The following ANGEL2 variants were observed in gnomAD, a reference collection of about 807,000 sequenced individuals.
ANGEL2 encodes the protein RNA 2',3'-cyclic phosphatase ANGEL2.
A neutral mutation model predicts 66.0 loss-of-function variants in ANGEL2; 41 were observed. The ratio of observed to expected loss-of-function variants is 0.62; its 90% CI spans 0.48 to 0.81. ANGEL2 has a LOEUF of 0.81. Among genes scored for constraint, ANGEL2 ranks in the 30% least tolerant of loss-of-function variants. ANGEL2 has a pLI of 0.00. For synonymous variants in ANGEL2, 208 were observed against 226.5 expected (o/e 0.92, Z 0.73); for missense variants, 561 against 641.6 (o/e 0.87, Z 1.36).
chr1:213,008,145 T>C (rs1366623943), intron 3 of ANGEL2, 65 bp downstream of exon 3: 3 of 1,536,472 alleles, frequency 2.0e-6, no homozygotes, highest in Admixed American at 3.7e-5. Flanking sequence ...ATTACAAGCA[T>C]GAGCCAGTGT....
chr1:212,997,360 A>G, intron 7 of ANGEL2, 42 bp from the exon 8 acceptor site: 1 of 1,538,018 alleles, frequency 6.5e-7, no homozygotes, highest in Non-Finnish European at 8.9e-7. Context: ...GAGTTTTTGT[A>G]ACTTCAAGAA....
chr1:213,011,139 A>AT, intron 2 of ANGEL2: 1 of 1,249,898 alleles, frequency 8.0e-7, no homozygotes. Flanking sequence ...AAAACCACTG[A>AT]TAAGAGTGGA....
At chr1:213,007,229 C>A in intron 3 of ANGEL2, 31 bp from the exon 4 acceptor site, 1 of 1,454,688 alleles carries the variant, frequency 6.9e-7, no homozygotes, top group South Asian at 1.4e-5. Flanking sequence ...TGAATTAGAA[C>A]ACAGAGATGC....
intron 4 of ANGEL2, among the ~76,000 whole-genome samples, chr1:213,006,247 G>A (rs540953127): frequency 1.6e-4 from 24 of 152,126 alleles, no homozygotes; most frequent in African/African-American, 5.5e-4. Context: ...GGATCACGAG[G>A]TCAGGAGATC....
intron 5 of ANGEL2, among the ~76,000 whole-genome samples, chr1:213,004,542 A>G (rs779932462): frequency 3.3e-5 from 5 of 151,944 alleles, no homozygotes; most frequent in Admixed American, 6.6e-5. Context: ...CAGATAGATG[A>G]AAAAGATATA....
intron 7 of ANGEL2, among the ~76,000 whole-genome samples, chr1:212,999,979 G>A (rs1392260346): frequency 1.3e-5 from 2 of 152,188 alleles, no homozygotes; most frequent in Non-Finnish European, 2.9e-5. Flanking sequence ...TATTTGAGCT[G>A]GTCCAGGTCC....
Position 212,996,676 on chromosome 1 carries a change from T to A in ANGEL2, c.1483+479A>T, listed in dbSNP as rs968725997. On this transcript the variant is annotated intron_variant, in intron 8 of 8. Transcript: ENST00000366962. Reference sequence around the variant, plus strand: ...ATATATATATATATATATATACTTTTCCTCCTCAGAAAAATCCAATATTCC... The same window carrying A: ...ATATATATATATATATATATACTTTACCTCCTCAGAAAAATCCAATATTCC... Among the ~76,000 whole-genome samples the A allele has an allele frequency of 1.0e-4, 14 of 134,076 alleles. 1 individual carries two copies. Among genetic ancestry groups the A allele is most frequent in the African/African-American group, 3.5e-4 (13 of 37,220 alleles). The allele number at this position is 134,076 out of a possible 152,430, so 88.0% of individuals were successfully genotyped here.
chr1:212,997,128 G>A, intron 8 of ANGEL2, 27 bp downstream of exon 8: 1 of 1,600,998 alleles, frequency 6.2e-7, no homozygotes, highest in Non-Finnish European at 8.5e-7. Context: ...CTCTCTAGGA[G>A]AATTTAAGAT....
chr1:213,006,827 T>C (rs940461878), intron 4 of ANGEL2: 3 of 318,100 alleles, frequency 9.4e-6, no homozygotes, highest in Non-Finnish European at 1.7e-5. Context: ...TTAAGATTTT[T>C]AGCCAAAATA....
Position 213,013,425 on chromosome 1 carries a change from G to C in ANGEL2, c.60-7C>G, listed in dbSNP as rs748761102. On this transcript the variant is annotated splice_polypyrimidine_tract_variant and splice_region_variant and intron_variant, in intron 1 of 8. Transcript: ENST00000366962. The stretch of plus-strand genomic sequence containing the variant: ...ATGGGGAAACATGGGGTATCTAAAA[G>C]AAATAAATACACTCCTTGAGGCACC... 1 of 1,606,974 alleles carries C rather than the reference G, an allele frequency of 6.2e-7. No homozygotes were observed. The highest frequency in any genetic ancestry group is 8.5e-7 in the Non-Finnish European group (1 of 1,176,306).
intron 2 of ANGEL2, among the ~76,000 whole-genome samples, chr1:213,012,345 C>A (rs751783087): frequency 4.6e-5 from 7 of 152,148 alleles, no homozygotes; most frequent in Non-Finnish European, 8.8e-5. Context: ...ATAAGAAAGA[C>A]AATTCCAAAT....
chr1:212,997,540 A>G (rs1432699805), intron 7 of ANGEL2, among the ~76,000 whole-genome samples: 2 of 152,238 alleles, frequency 1.3e-5, no homozygotes, highest in African/African-American at 4.8e-5. Flanking sequence ...AAAAAGCTCA[A>G]TAATTAACAT....
In ANGEL2 at chr1:213,013,490, T is replaced by C. The variant is rs1558194072; in HGVS notation, c.60-72A>G. 2.2e-6 allele frequency: 3 copies of C among 1,351,886 alleles called. No homozygotes were observed. The East Asian group carries it at 6.9e-5, about 31-fold the overall frequency. The allele number at this position is 1,351,886 out of a possible 1,614,324, so 83.7% of individuals were successfully genotyped here. ...TATAGTTTACAAAATCTAAGCCTGT[T>C]TCCTCAAGGGAAGGTAATGTCTAAT... is the stretch of plus-strand genomic sequence containing the variant. On this transcript the variant is annotated intron_variant, in intron 1 of 8. Coordinates refer to ENST00000366962, the MANE Select transcript of ANGEL2 (RefSeq NM_144567.5).
chr1:212,997,863 T>A (rs1245260348), intron 7 of ANGEL2, among the ~76,000 whole-genome samples: 1 of 152,142 alleles, frequency 6.6e-6, no homozygotes, highest in Non-Finnish European at 1.5e-5. Flanking sequence ...ACTTTATGAA[T>A]CTTAAGGATC....
At chr1:213,004,586 G>T (rs2076266799) in intron 5 of ANGEL2, among the ~76,000 whole-genome samples, 1 of 150,942 alleles carries the variant, frequency 6.6e-6, no homozygotes, top group South Asian at 2.1e-4. Flanking sequence ...CTTACTAGAA[G>T]AAGCTGGGCA....
rs187578910 is a variant in ANGEL2 at position 212,999,255 on chromosome 1, C to T, written c.1319+1071G>A. ...TTTCAAACTCCTGGGCTCAAGCAAT[C>T]CTCCCGCCCTGGCCTCCCAAAGTGC... On this transcript the variant is annotated intron_variant, in intron 7 of 8. Coordinates refer to ENST00000366962, the MANE Select transcript of ANGEL2 (RefSeq NM_144567.5). Among the ~76,000 whole-genome samples the T allele has an allele frequency of 3.1e-3, 474 of 152,266 alleles. 3 individuals are homozygous for T. The highest frequency in any genetic ancestry group is 0.011 in the African/African-American group (461 of 41,546).
rs1487297986 is a variant in ANGEL2 at position 213,000,813 on chromosome 1, G to A, written c.1234C>T (p.Gln412Ter). 2 of 1,610,972 alleles carry A rather than the reference G, an allele frequency of 1.2e-6. No homozygotes were observed. Among genetic ancestry groups the A allele is most frequent in the Non-Finnish European group, 1.7e-6 (2 of 1,179,590 alleles). The change falls in exon 6 of 9, where the codon CAG becomes TAG. Residue 412 changes from glutamine (Q) to a stop codon, truncating the protein, a stop_gained. Coordinates refer to ENST00000366962, the MANE Select transcript of ANGEL2 (RefSeq NM_144567.5). LOFTEE classifies it high-confidence loss of function. ...GISQNCVYEV[Q>*]QVPKVEKTDS... ...GTCTTTTCTACTTTTGGTACCTGCT[G>A]TACCTCATACACACAGTTCTGTGAG...
intron 5 of ANGEL2, 70 bp from the exon 6 acceptor site, chr1:213,000,982 T>C: frequency 6.8e-7 from 1 of 1,471,718 alleles, no homozygotes. Flanking sequence ...AAAATTTATG[T>C]CTTAAATAAA....
At chr1:213,002,647 G>A (rs1235039777) in intron 5 of ANGEL2, among the ~76,000 whole-genome samples, 1 of 152,162 alleles carries the variant, frequency 6.6e-6, no homozygotes, top group Admixed American at 6.5e-5. Flanking sequence ...GCCAGGTGCG[G>A]TGGCTCATGC....
Sources: gnomAD v4.1 joint callset for allele counts (sites outside exome capture counted in the v4.1 genomes callset) on GRCh38, gnomAD v4.1.1 for gene constraint, MANE v1.5 for transcripts, NCBI Gene and HGNC (gene_info 2026-07-23, HGNC 2026-07-21) for gene names.